The following SYNJ1 variants were observed in gnomAD, a reference collection of about 807,000 sequenced individuals.
SYNJ1 encodes synaptojanin 1.
A neutral mutation model predicts 168.2 loss-of-function variants in SYNJ1; 78 were observed. The ratio of observed to expected loss-of-function variants is 0.46; its 90% confidence interval spans 0.39 to 0.56. The LOEUF (loss-of-function observed/expected upper bound fraction) is 0.56. SYNJ1 is among the 20% of genes least tolerant of loss of function. SYNJ1 has a pLI of 0.00. For missense variants in SYNJ1, 1,303 were observed against 1,597.6 expected (o/e 0.82, Z 3.14); for synonymous variants, 539 against 548.6 (o/e 0.98, Z 0.24).
chr21:32,631,456 A>G lies in SYNJ1; in HGVS notation c.*349T>C, dbSNP rs1180983796. ...CATGAAGTTGCCTCTGATTCTTCAG[A>G]CTTGGCTCTAAATGGGTTTCCAGGA... On this transcript the variant is annotated 3_prime_UTR_variant, in exon 33 of 33. Coordinates refer to ENST00000674351, the MANE Select transcript of SYNJ1 (RefSeq NM_203446.3). The G allele has an allele frequency of 1.9e-6, 3 of 1,614,032 alleles. No homozygotes were observed. The highest frequency in any genetic ancestry group is 1.3e-5 in the African/African-American group (1 of 74,922).
chr21:32,642,593 CT>C (rs1441917807), intron 27 of SYNJ1, among the ~76,000 whole-genome samples: 3 of 152,196 alleles, frequency 2.0e-5, no homozygotes, highest in African/African-American at 7.2e-5. Context: ...GGGCTTCACG[CT>C]GTAGATGTCA....
intron 2 of SYNJ1, among the ~76,000 whole-genome samples, chr21:32,707,283 CTTTTTT>C (rs367843525): frequency 2.3e-5 from 3 of 130,582 alleles, no homozygotes; most frequent in South Asian, 2.5e-4. Context: ...TTTCTTTTTC[CTTTTTT>C]TTTTTTTTTT....
chr21:32,727,970 C>T lies in SYNJ1; in HGVS notation c.-47G>A. ...CCTCTTCCTCCGGCTCCTCCTCCTCCTTCTCCCGCAGCCGCCGCCACAGCC... is the reference window on the plus strand; with the variant it reads ...CCTCTTCCTCCGGCTCCTCCTCCTCTTTCTCCCGCAGCCGCCGCCACAGCC... On this transcript the variant is annotated 5_prime_UTR_variant, in exon 1 of 33. Transcript: ENST00000674351. 1.3e-6 allele frequency: 2 copies of T among 1,534,882 alleles called. No homozygotes were observed. The highest frequency in any genetic ancestry group is 1.7e-6 in the Non-Finnish European group (2 of 1,146,032).
At chr21:32,699,541 T>A (rs1361308465) in intron 4 of SYNJ1, among the ~76,000 whole-genome samples, 2 of 152,180 alleles carry the variant, frequency 1.3e-5, no homozygotes, top group African/African-American at 4.8e-5. Context: ...GAGTGAGTAC[T>A]GAGCATCCTA....
chr21:32,634,472 A>C (rs562270617), intron 32 of SYNJ1, among the ~76,000 whole-genome samples: 1 of 152,230 alleles, frequency 6.6e-6, no homozygotes, highest in East Asian at 1.9e-4. Flanking sequence ...ATTTCCCCCA[A>C]ATATTTTTTC....
At chr21:32,722,571 C>T (rs961739098) in intron 2 of SYNJ1, among the ~76,000 whole-genome samples, 1 of 152,080 alleles carries the variant, frequency 6.6e-6, no homozygotes, top group Non-Finnish European at 1.5e-5. Flanking sequence ...CAAAAATTTA[C>T]GGAAAAATAT....
In SYNJ1 at chr21:32,667,994, TAAA is replaced by T. The variant is rs147467071; in HGVS notation, c.1812-1424_1812-1422del. On this transcript the variant is annotated intron_variant, in intron 15 of 32. Coordinates refer to ENST00000674351, the MANE Select transcript of SYNJ1 (RefSeq NM_203446.3). ...AATGAATAAATATTCACTACTTTAT[TAAA>T]GAAGAATATATATGTGTGTGTGTGT... Among the ~76,000 whole-genome samples the T allele has an allele frequency of 7.7e-3, 1,135 of 148,098 alleles. 5 individuals are homozygous for T. Among genetic ancestry groups the T allele is most frequent in the Non-Finnish European group, 0.013 (856 of 67,476 alleles).
At chr21:32,644,568 C>T (rs1020770166) in intron 26 of SYNJ1, among the ~76,000 whole-genome samples, 18 of 152,042 alleles carry the variant, frequency 1.2e-4, no homozygotes, top group African/African-American at 4.4e-4. Flanking sequence ...AAAAAGTGAC[C>T]CTTTGTGAAT....
intron 15 of SYNJ1, among the ~76,000 whole-genome samples, chr21:32,668,798 T>A (rs1401322165): frequency 6.6e-6 from 1 of 152,216 alleles, no homozygotes; most frequent in Non-Finnish European, 1.5e-5. Flanking sequence ...TGGAGACATC[T>A]TTGAGGGTTC....
Position 32,700,068 on chromosome 21 carries a change from T to C in SYNJ1, c.249A>G (p.Gly83=). The change falls in exon 4 of 33, where the codon GGA becomes GGG. Residue 83 remains glycine (G), a synonymous_variant. Transcript: ENST00000674351. ...CTTGAATTTTTCCAACAGACATACA[T>C]CCAGTGACTAGGACCAGATAATGTA... The part of the protein sequence containing the change: ...TMLHYLVLVT[G]CMSVGKIQES... 6.2e-7 allele frequency: 1 copy of C among 1,614,090 alleles called. No individual in the cohort carries two copies. Among genetic ancestry groups the C allele is most frequent in the African/African-American group, 1.3e-5 (1 of 75,038 alleles).
In SYNJ1 at chr21:32,656,851, C is replaced by T. The variant is rs375526059; in HGVS notation, c.2631G>A (p.Glu877=). 4 of 1,614,058 alleles carry T rather than the reference C, an allele frequency of 2.5e-6. No individual in the cohort carries two copies. The African/African-American group carries it at 5.3e-5, about 22-fold the overall frequency. The change falls in exon 21 of 33, where the codon GAG becomes GAA. Residue 877 remains glutamate, a synonymous_variant. Transcript: ENST00000674351. ...DIDIFEVEAE[E]RQNIYKEVIA... is the part of the protein sequence containing the mutation. ...TTACTTCTTTATAAATGTTTTGCCTCTCTTCAGCTTCAACTTCAAATATAT... is the reference window on the plus strand; with the variant it reads ...TTACTTCTTTATAAATGTTTTGCCTTTCTTCAGCTTCAACTTCAAATATAT...
intron 31 of SYNJ1, among the ~76,000 whole-genome samples, chr21:32,637,658 G>A (rs571873009): frequency 6.6e-6 from 1 of 152,018 alleles, no homozygotes; most frequent in African/African-American, 2.4e-5. Context: ...TCAGGCGATC[G>A]ACCCGCCATG....
intron 1 of SYNJ1, 120 bp from the exon 2 acceptor site, chr21:32,727,037 A>C (rs919932658): frequency 7.4e-7 from 1 of 1,356,302 alleles, no homozygotes; most frequent in Middle Eastern, 2.6e-4. Context: ...GTGGGAAAAA[A>C]CAGACAGCTC....
intron 31 of SYNJ1, among the ~76,000 whole-genome samples, chr21:32,637,023 T>G (rs1248657995): frequency 5.9e-5 from 9 of 152,174 alleles, no homozygotes; most frequent in Non-Finnish European, 1.3e-4. Flanking sequence ...ATGGAAAGTT[T>G]TCTGAGAAAA....
chr21:32,649,927 T>TG (rs1319110658), intron 23 of SYNJ1, among the ~76,000 whole-genome samples: 1 of 152,036 alleles, frequency 6.6e-6, no homozygotes, highest in Non-Finnish European at 1.5e-5. Context: ...ATTTTGTACT[T>TG]TTAGTAGAGA....
chr21:32,670,955 A>T, intron 14 of SYNJ1: 1 of 368,458 alleles, frequency 2.7e-6, no homozygotes, highest in Non-Finnish European at 3.8e-6. Flanking sequence ...TGCCTGAGAA[A>T]GCAGCCCAGG....
Position 32,650,348 on chromosome 21 carries a change from T to C in SYNJ1, c.2875-2A>G. 6.2e-7 allele frequency: 1 copy of C among 1,600,210 alleles called. No individual in the cohort carries two copies. The highest frequency in any genetic ancestry group is 8.5e-7 in the Non-Finnish European group (1 of 1,175,954). Reference sequence around the variant, plus strand: ...AATAGTTATAGTCCGATTCAATAACTAGCGGAGTAAAAGAGATATAAAATA... The same window carrying C: ...AATAGTTATAGTCCGATTCAATAACCAGCGGAGTAAAAGAGATATAAAATA... On this transcript the variant is annotated splice_acceptor_variant, in intron 22 of 32. Transcript: ENST00000674351. LOFTEE classifies it high-confidence loss of function.
At chr21:32,688,226 T>C (rs956617856) in intron 7 of SYNJ1, 80 bp downstream of exon 7, 9 of 1,378,074 alleles carry the variant, frequency 6.5e-6, no homozygotes, top group Non-Finnish European at 7.9e-6. Flanking sequence ...CCAAAAAAGT[T>C]TGAAGTGAAT....
intron 2 of SYNJ1, among the ~76,000 whole-genome samples, chr21:32,715,800 CT>C (rs2043004605): frequency 6.6e-6 from 1 of 151,330 alleles, no homozygotes; most frequent in Non-Finnish European, 1.5e-5. Context: ...TAATTTTTTT[CT>C]TTTCACTGAC....
Sources: gnomAD v4.1 joint callset for allele counts (sites outside exome capture counted in the v4.1 genomes callset) on GRCh38, gnomAD v4.1.1 for gene constraint, MANE v1.5 for transcripts, NCBI Gene and HGNC (gene_info 2026-07-23, HGNC 2026-07-21) for gene names.